Variants in UBR4 observed in about 807,000 individuals in gnomAD.
UBR4 encodes E3 ubiquitin-protein ligase UBR4.
UBR4 carries 124 observed loss-of-function variants against 575.6 expected under a neutral mutation model. The ratio of observed to expected loss-of-function variants is 0.22; its 90% CI spans 0.19 to 0.25. The LOEUF (loss-of-function observed/expected upper bound fraction) is 0.25. UBR4 is among the 10% of genes least tolerant of loss of function. UBR4 has a pLI of 1.00. For synonymous variants in UBR4, 2,455 were observed against 2,473.7 expected, an observed-to-expected ratio of 0.99 and a Z score of 0.22; for missense variants, 4,818 against 6,478.8, an observed-to-expected ratio of 0.74 and a Z score of 8.80.
intron 35 of UBR4, 149 bp from the exon 36 acceptor site, chr1:19,162,046 T>G: frequency 2.2e-6 from 2 of 905,166 alleles, no homozygotes; most frequent in Non-Finnish European, 3.4e-6. Context: ...AATAGCTAGC[T>G]GGCTGAAAAT....
At chr1:19,209,963 CG>C in intron 1 of UBR4, 109 bp downstream of exon 1, 2 of 1,340,048 alleles carry the variant, frequency 1.5e-6, no homozygotes. Context: ...GTGGCTGTGG[CG>C]GGGATCCTCA....
At chr1:19,124,758 C>A in intron 64 of UBR4, 68 bp from the exon 65 acceptor site, 1 of 1,572,696 alleles carries the variant, frequency 6.4e-7, no homozygotes, top group Non-Finnish European at 8.6e-7. Flanking sequence ...TAGGAAAAAG[C>A]CTGGCTCATT....
At chr1:19,091,303 T>TC (rs2077491256) in intron 97 of UBR4, among the ~76,000 whole-genome samples, 1 of 152,100 alleles carries the variant, frequency 6.6e-6, no homozygotes, top group Non-Finnish European at 1.5e-5. Context: ...CTCCACTGAG[T>TC]TGAACAGAAG....
intron 60 of UBR4, among the ~76,000 whole-genome samples, chr1:19,131,470 T>C (rs911463407): frequency 3.9e-5 from 6 of 152,140 alleles, no homozygotes; most frequent in Non-Finnish European, 7.3e-5. Context: ...AGAATTCCAT[T>C]GTCAATATGG....
Position 19,144,808 on chromosome 1 carries a change from T to C in UBR4, c.8045A>G (p.Tyr2682Cys). ...TACAGGACACAAGAGCATCTGCATG[T>C]AGATCTTGGATGCTGTGTTAATACA... The part of the protein sequence containing the change: ...LDCINTASKI[Y>C]MQMLLCPDPA... Residue 2682 changes from tyrosine to cysteine, a missense_variant, in exon 54 of 106, where the codon TAC becomes TGC. Around this residue, in one of 29 missense-constraint regions of UBR4, gnomAD observed 340 missense variants for 375.4 expected, o/e 0.91. Coordinates refer to ENST00000375254, the MANE Select transcript of UBR4 (RefSeq NM_020765.3). 2 of 1,614,182 alleles carry C rather than the reference T, an allele frequency of 1.2e-6. No individual in the cohort carries two copies. Among genetic ancestry groups the C allele is most frequent in the Non-Finnish European group, 1.7e-6 (2 of 1,180,010 alleles).
intron 60 of UBR4, among the ~76,000 whole-genome samples, chr1:19,134,843 C>T (rs1473374270): frequency 6.6e-6 from 1 of 152,108 alleles, no homozygotes; most frequent in Non-Finnish European, 1.5e-5. Context: ...GCACCTGCAC[C>T]CCCGACCCCA....
chr1:19,174,828 C>CCTATTAGAAT, intron 21 of UBR4, 126 bp downstream of exon 21: 1 of 876,590 alleles, frequency 1.1e-6, no homozygotes, highest in African/African-American at 1.7e-5. Context: ...AGAATAAGCT[C>CCTATTAGAAT]AAATCGTAAC....
Position 19,160,986 on chromosome 1 carries a change from G to C in UBR4, c.5337C>G (p.Asp1779Glu). The change falls in exon 38 of 106, where the codon GAC becomes GAG. Residue 1779 changes from aspartate to glutamate, a missense_variant. Asp to Glu is a conservative substitution (Grantham distance 45). Coordinates refer to ENST00000375254, the MANE Select transcript of UBR4 (RefSeq NM_020765.3). The stretch of plus-strand genomic sequence containing the variant: ...GGCTGCTCTTCTTGGGCTTCTCTTC[G>C]TCAGCAACCTTTCCATCACTGATGG... ...KVTISDGKVA[D>E]EEKPKKSSLC... 1.2e-6 allele frequency: 2 copies of C among 1,614,096 alleles called. No homozygotes were observed. The highest frequency in any genetic ancestry group is 1.7e-6 in the Non-Finnish European group (2 of 1,180,028).
chr1:19,135,950 A>T (rs1234890648), intron 60 of UBR4, among the ~76,000 whole-genome samples: 1 of 152,252 alleles, frequency 6.6e-6, no homozygotes, highest in Non-Finnish European at 1.5e-5. Context: ...TAAAAGCAGC[A>T]GTAAAGACAT....
chr1:19,191,805 G>A (rs2092105582), intron 11 of UBR4, among the ~76,000 whole-genome samples: 1 of 152,176 alleles, frequency 6.6e-6, no homozygotes, highest in East Asian at 1.9e-4. Context: ...ATTACAGGAA[G>A]CAAACCAGGA....
In UBR4 at chr1:19,185,338, T is replaced by C. The variant is rs775636856; in HGVS notation, c.1751-52A>G. ...AAATAAATATTTTTTAAAAGTGTTT[T>C]TGGTGCATCTGCTTCCTAAAAGTAC... is the stretch of plus-strand genomic sequence containing the variant. On this transcript the variant is annotated intron_variant, in intron 14 of 105. Transcript: ENST00000375254. The C allele has an allele frequency of 8.1e-6, 12 of 1,489,280 alleles. No individual in the cohort carries two copies. The East Asian group carries it at 2.8e-4, about 35-fold the overall frequency. 92.3% of individuals were successfully genotyped at this position (1,489,280 alleles called of 1,614,324 possible).
At chr1:19,190,292 C>CA (rs1184892281) in intron 11 of UBR4, among the ~76,000 whole-genome samples, 425 of 40,302 alleles carry the variant, frequency 0.011, 10 homozygotes, top group African/African-American at 0.029. Context: ...GACTCTGCCT[C>CA]AAAAAAAAAA....
At chr1:19,105,650 CCT>C in intron 84 of UBR4, 81 bp downstream of exon 84, 1 of 1,092,250 alleles carries the variant, frequency 9.2e-7, no homozygotes, top group Non-Finnish European at 1.3e-6. Context: ...CTCTCATTAC[CCT>C]GATCCATGGA....
Position 19,165,369 on chromosome 1 carries a change from A to G in UBR4, c.4212-20T>C, listed in dbSNP as rs2088161429. On this transcript the variant is annotated intron_variant, in intron 30 of 105. Transcript: ENST00000375254. ...TCTCCACTGGGAGGCAAGATGGGAGAAAAATGGAAAGAATCACATTAAAGC... is the reference window on the plus strand; with the variant it reads ...TCTCCACTGGGAGGCAAGATGGGAGGAAAATGGAAAGAATCACATTAAAGC... 6.4e-7 allele frequency: 1 copy of G among 1,573,674 alleles called. No homozygotes were observed. Among genetic ancestry groups the G allele is most frequent in the Non-Finnish European group, 8.7e-7 (1 of 1,146,882 alleles).
At position 19,114,000 on chromosome 1, in the gene UBR4, G is replaced by GGCCGGTGTCCCATCAGCT; in HGVS notation, c.11255_11272dup (p.Gln3752_Arg3757dup). 1 of 1,614,224 alleles carries GGCCGGTGTCCCATCAGCT rather than the reference G, an allele frequency of 6.2e-7. No homozygotes were observed. The highest frequency in any genetic ancestry group is 8.5e-7 in the Non-Finnish European group (1 of 1,180,042). Reference sequence around the variant, plus strand: ...TTTGCAGAGCAGGTTCTCCAGCTGTGGCCGGTGTCCCATCAGCTGATGATA... The same window carrying GGCCGGTGTCCCATCAGCT: ...TTTGCAGAGCAGGTTCTCCAGCTGTGGCCGGTGTCCCATCAGCTGCCGGTGTCCCATCAGCTGATGATA... On this transcript the variant is annotated inframe_insertion, in exon 76 of 106. Transcript: ENST00000375254.
rs1157567186 is a variant in UBR4 at position 19,210,234 on chromosome 1, G to A, written c.15C>T (p.Gly5=). Reference sequence around the variant, plus strand: ...GAGCCGCTGCCGCCGCCTCTTCGCCGCCGCTCGTCGCCATCTTCCGTCGTA... The same window carrying A: ...GAGCCGCTGCCGCCGCCTCTTCGCCACCGCTCGTCGCCATCTTCCGTCGTA... MATS[G]GEEAAAAAPA... Residue 5 remains glycine, a synonymous_variant, in exon 1 of 106, where the codon GGC becomes GGT. Transcript: ENST00000375254. 4 of 1,427,478 alleles carry A rather than the reference G, an allele frequency of 2.8e-6. No homozygotes were observed. Among genetic ancestry groups the A allele is most frequent in the Non-Finnish European group, 3.7e-6 (4 of 1,093,530 alleles). The allele number at this position is 1,427,478 out of a possible 1,614,324, so 88.4% of individuals were successfully genotyped here.
intron 8 of UBR4, among the ~76,000 whole-genome samples, chr1:19,196,500 A>C (rs2092463515): frequency 6.6e-6 from 1 of 152,250 alleles, no homozygotes; most frequent in Admixed American, 6.5e-5. Context: ...AAAGCCAAGG[A>C]TCAGTGATCT....
Position 19,150,796 on chromosome 1 carries a change from G to A in UBR4, c.7214-3C>T, listed in dbSNP as rs1017793015. ...TGCTGGATCCACCGAGGCCCCAACT[G>A]CAATAAGCAAGAGAGGCCTTTAGGA... On this transcript the variant is annotated splice_region_variant and splice_polypyrimidine_tract_variant and intron_variant, in intron 48 of 105. Coordinates refer to ENST00000375254, the MANE Select transcript of UBR4 (RefSeq NM_020765.3). 15 of 1,613,432 alleles carry A rather than the reference G, an allele frequency of 9.3e-6. No homozygotes were observed. The South Asian group carries it at 1.3e-4, about 14-fold the overall frequency.
intron 51 of UBR4, 51 bp downstream of exon 51, chr1:19,147,942 A>G: frequency 1.3e-6 from 2 of 1,587,932 alleles, no homozygotes; most frequent in South Asian, 1.1e-5. Flanking sequence ...AAGCTAACTT[A>G]TTTGATTCCC....
Sources: gnomAD v4.1 joint callset for allele counts (sites outside exome capture counted in the v4.1 genomes callset) on GRCh38, gnomAD v4.1.1 for gene constraint, gnomAD v4.1.1 regional missense constraint, MANE v1.5 for transcripts, NCBI Gene and HGNC (gene_info 2026-07-23, HGNC 2026-07-21) for gene names.